KCNH5: variants seen among roughly 807,000 people sequenced by gnomAD.
The protein encoded by KCNH5 is voltage-gated delayed rectifier potassium channel KCNH5.
A neutral mutation model predicts 96.1 loss-of-function variants in KCNH5; 46 were observed. The observed-to-expected ratio is 0.48, with a 90% confidence interval of 0.38 to 0.61. The LOEUF is 0.61. Among genes scored for constraint, KCNH5 ranks in the 20% least tolerant of loss-of-function variants. KCNH5 has a pLI of 0.00. For synonymous variants in KCNH5, 439 were observed against 449.8 expected (o/e 0.98, Z 0.30); for missense variants, 907 against 1,225.8 (o/e 0.74, Z 3.88).
At chr14:62,752,753 T>C (rs909302575) in intron 10 of KCNH5, among the ~76,000 whole-genome samples, 3 of 152,136 alleles carry the variant, frequency 2.0e-5, no homozygotes, top group Admixed American at 1.3e-4. Flanking sequence ...GGTGAGTGAC[T>C]TCCCACAAGA....
intron 3 of KCNH5, among the ~76,000 whole-genome samples, chr14:63,002,206 C>T (rs1257818504): frequency 6.6e-6 from 1 of 152,188 alleles, no homozygotes; most frequent in Non-Finnish European, 1.5e-5. Flanking sequence ...ACTCTATCAC[C>T]TCGTTCTTCG....
intron 7 of KCNH5, among the ~76,000 whole-genome samples, chr14:62,895,265 T>A (rs1418464991): frequency 1.3e-5 from 2 of 152,190 alleles, no homozygotes; most frequent in Non-Finnish European, 2.9e-5. Context: ...ACCCCACAAA[T>A]TTAACCCTTC....
intron 10 of KCNH5, chr14:62,712,754 C>G (rs1264419700): frequency 1.3e-6 from 1 of 770,260 alleles, no homozygotes; most frequent in Non-Finnish European, 2.4e-6. Context: ...AAGCTGTATA[C>G]TTGCTGGGAA....
In KCNH5 at chr14:62,871,787, C is replaced by G. The variant is rs376933541; in HGVS notation, c.1370-21935G>C. ...ATCAGTGTGTAAGAGATGGGCTGTA[C>G]AAGCAGTGTGGTAGGCAAGGATTGG... is the stretch of plus-strand genomic sequence containing the variant. On this transcript the variant is annotated intron_variant, in intron 7 of 10. Transcript: ENST00000322893. Among the ~76,000 whole-genome samples the G allele has an allele frequency of 4.3e-4, 66 of 152,210 alleles. 3 individuals are homozygous for G. The South Asian group carries it at 8.5e-3, about 20-fold the overall frequency.
chr14:62,736,107 C>T (rs1044969766), intron 10 of KCNH5, among the ~76,000 whole-genome samples: 1 of 152,190 alleles, frequency 6.6e-6, no homozygotes, highest in Admixed American at 6.6e-5. Flanking sequence ...TATGGCAGCC[C>T]TAGCTAACTC....
intron 7 of KCNH5, among the ~76,000 whole-genome samples, chr14:62,873,035 A>C (rs979006935): frequency 6.6e-6 from 1 of 151,920 alleles, no homozygotes; most frequent in African/African-American, 2.4e-5. Context: ...CTGTAGTCCC[A>C]GCTACTCAGG....
intron 5 of KCNH5, among the ~76,000 whole-genome samples, chr14:62,981,773 A>G (rs1300262676): frequency 3.9e-5 from 6 of 152,196 alleles, no homozygotes; most frequent in African/African-American, 1.4e-4. Context: ...AAGGGTTGTA[A>G]AGGGTATCGC....
intron 2 of KCNH5, among the ~76,000 whole-genome samples, chr14:63,015,478 T>C (rs1004928631): frequency 1.1e-4 from 17 of 152,082 alleles, no homozygotes; most frequent in Non-Finnish European, 2.9e-5. Context: ...TCTGCCTTTC[T>C]CTCTCTGTAT....
intron 7 of KCNH5, among the ~76,000 whole-genome samples, chr14:62,908,016 T>A (rs947381581): frequency 6.6e-6 from 1 of 152,190 alleles, no homozygotes; most frequent in Non-Finnish European, 1.5e-5. Context: ...CCATTATGAA[T>A]CTATCCACAA....
At chr14:62,765,328 G>A (rs1318110639) in intron 10 of KCNH5, among the ~76,000 whole-genome samples, 2 of 152,114 alleles carry the variant, frequency 1.3e-5, no homozygotes, top group Non-Finnish European at 2.9e-5. Context: ...ATATGCAGAA[G>A]ACTAAAACTT....
At chr14:63,011,397 G>C (rs1489450341) in intron 2 of KCNH5, among the ~76,000 whole-genome samples, 9 of 151,514 alleles carry the variant, frequency 5.9e-5, no homozygotes, top group Non-Finnish European at 8.8e-5. Context: ...AGAATCACTT[G>C]AACCCAGGAG....
chr14:62,714,780 T>C (rs1381010335), intron 10 of KCNH5, among the ~76,000 whole-genome samples: 1 of 152,212 alleles, frequency 6.6e-6, no homozygotes, highest in Non-Finnish European at 1.5e-5. Flanking sequence ...AAAAACCTAA[T>C]ATTTGGTTTT....
chr14:62,865,499 A>G (rs1403726309), intron 7 of KCNH5, among the ~76,000 whole-genome samples: 1 of 152,188 alleles, frequency 6.6e-6, no homozygotes. Flanking sequence ...GAAGAGAGAA[A>G]TAAGTAAACC....
At chr14:62,910,528 CA>C (rs1372216395) in intron 7 of KCNH5, among the ~76,000 whole-genome samples, 1 of 152,036 alleles carries the variant, frequency 6.6e-6, no homozygotes, top group African/African-American at 2.4e-5. Context: ...AATCAACATA[CA>C]AGAATCAGTA....
rs1414390861 is a variant in KCNH5 at position 62,874,986 on chromosome 14, A to C, written c.1370-25134T>G. 5.5e-3 allele frequency among the ~76,000 whole-genome samples: 760 copies of C among 138,568 alleles called. 3 individuals carry two copies. The highest frequency in any genetic ancestry group is 8.4e-3 in the Non-Finnish European group (541 of 64,190). 90.9% of individuals were successfully genotyped at this position (138,568 alleles called of 152,430 possible). ...TCTCCTTAAGCTGATAAGCAACTTC[A>C]GCAAAGTCTCAGGATACAAAATCAA... On this transcript the variant is annotated intron_variant, in intron 7 of 10. Transcript: ENST00000322893.
intron 6 of KCNH5, among the ~76,000 whole-genome samples, chr14:62,960,870 C>A (rs377738972): frequency 6.6e-6 from 1 of 152,154 alleles, no homozygotes; most frequent in Non-Finnish European, 1.5e-5. Context: ...GTGCATAAAA[C>A]CTGTATTAGC....
intron 2 of KCNH5, 27 bp from the exon 3 acceptor site, chr14:63,006,499 G>T: frequency 7.4e-7 from 1 of 1,349,050 alleles, no homozygotes; most frequent in Non-Finnish European, 1.1e-6. Flanking sequence ...ACAAACAATC[G>T]ATTTCACTTT....
chr14:62,764,293 A>G (rs77970950), intron 10 of KCNH5, among the ~76,000 whole-genome samples: 6,007 of 152,316 alleles, frequency 0.039, 156 homozygotes, highest in Non-Finnish European at 0.058. Context: ...CTCAATAGAT[A>G]CAGAAAAGGC....
At chr14:62,938,157 T>TG (rs769249345) in intron 7 of KCNH5, among the ~76,000 whole-genome samples, 128 of 151,990 alleles carry the variant, frequency 8.4e-4, no homozygotes, top group Admixed American at 2.0e-3. Context: ...TAAGATCTGG[T>TG]GGGGGGGTGT....
Sources: gnomAD v4.1 joint callset for allele counts (sites outside exome capture counted in the v4.1 genomes callset) on GRCh38, gnomAD v4.1.1 for gene constraint, MANE v1.5 for transcripts, NCBI Gene and HGNC (gene_info 2026-07-23, HGNC 2026-07-21) for gene names.